Variants in TNPO3 observed in about 807,000 individuals in gnomAD.
TNPO3 encodes the protein transportin-3.
Under a neutral mutation model 122.8 loss-of-function variants are expected in TNPO3, and 65 were observed. That is an observed-to-expected ratio of 0.53 (90% CI 0.43 to 0.65). The LOEUF (loss-of-function observed/expected upper bound fraction) is 0.65, where lower values mean the gene tolerates loss of function less well. TNPO3 is among the 30% of genes least tolerant of loss of function. The pLI, the probability that TNPO3 is intolerant of heterozygous loss-of-function variation, is 0.00. For synonymous variants in TNPO3, 372 were observed against 411.2 expected (o/e 0.90, Z 1.15); for missense variants, 850 against 1,136.7 (o/e 0.75, Z 3.63).
chr7:129,054,467 G>C lies in TNPO3; in HGVS notation c.120+184C>G, dbSNP rs10266077. 0.012 allele frequency among the ~76,000 whole-genome samples: 1,805 copies of C among 152,280 alleles called. 38 individuals carry two copies. Among genetic ancestry groups the C allele is most frequent in the African/African-American group, 0.042 (1,729 of 41,538 alleles). On this transcript the variant is annotated intron_variant, in intron 1 of 22. Coordinates refer to ENST00000265388, the MANE Select transcript of TNPO3 (RefSeq NM_012470.4). ...GTGGGGAAAGGGCCAGTTCGCGACCGATCAGGTGCGACTAGTTTCCCAAAA... is the reference window on the plus strand; with the variant it reads ...GTGGGGAAAGGGCCAGTTCGCGACCCATCAGGTGCGACTAGTTTCCCAAAA...
Position 128,990,116 on chromosome 7 carries a change from A to G in TNPO3, c.1359-16T>C. Reference sequence around the variant, plus strand: ...ATTGTTTTCCCTGAGTACAGGCGGTAAGTACTCACAGTTACTGATTTCAGA... The same window carrying G: ...ATTGTTTTCCCTGAGTACAGGCGGTGAGTACTCACAGTTACTGATTTCAGA... On this transcript the variant is annotated splice_polypyrimidine_tract_variant and intron_variant, in intron 10 of 22. Coordinates refer to ENST00000265388, the MANE Select transcript of TNPO3 (RefSeq NM_012470.4). 6.2e-7 allele frequency: 1 copy of G among 1,614,112 alleles called. No individual in the cohort carries two copies. The highest frequency in any genetic ancestry group is 2.2e-5 in the East Asian group (1 of 44,890).
chr7:129,050,004 G>A (rs1808511350), intron 1 of TNPO3, among the ~76,000 whole-genome samples: 1 of 152,180 alleles, frequency 6.6e-6, no homozygotes. Context: ...AGAGAGGATT[G>A]CCTGAGACCA....
At chr7:129,016,382 G>A (rs566427710) in intron 3 of TNPO3, among the ~76,000 whole-genome samples, 1 of 152,130 alleles carries the variant, frequency 6.6e-6, no homozygotes, top group African/African-American at 2.4e-5. Context: ...CAACAAGAGC[G>A]AGACTCCATC....
intron 16 of TNPO3, among the ~76,000 whole-genome samples, chr7:128,977,033 A>C (rs1483029296): frequency 6.6e-6 from 1 of 152,222 alleles, no homozygotes; most frequent in African/African-American, 2.4e-5. Context: ...AATAGATAAT[A>C]CGTAAATGAA....
chr7:128,999,612 AC>A (rs1801704057), intron 7 of TNPO3, among the ~76,000 whole-genome samples: 1 of 117,700 alleles, frequency 8.5e-6, no homozygotes, highest in African/African-American at 3.4e-5. Flanking sequence ...CTTCTTTCTC[AC>A]TTTTTTTTTT....
At position 128,972,602 on chromosome 7, in the gene TNPO3, TA is replaced by T; in HGVS notation, c.2274-21del. On this transcript the variant is annotated intron_variant, in intron 18 of 22. Coordinates refer to ENST00000265388, the MANE Select transcript of TNPO3 (RefSeq NM_012470.4). ...ATAAACCTGGTGTGGAAAGTGAGACTAGGTATAAATGACAAGATTAGGCTAT... is the reference window on the plus strand; with the variant it reads ...ATAAACCTGGTGTGGAAAGTGAGACTGGTATAAATGACAAGATTAGGCTAT... 6.2e-7 allele frequency: 1 copy of T among 1,609,596 alleles called. No individual in the cohort carries two copies. The highest frequency in any genetic ancestry group is 8.5e-7 in the Non-Finnish European group (1 of 1,177,448).
intron 1 of TNPO3, among the ~76,000 whole-genome samples, chr7:129,024,854 T>C (rs1804920494): frequency 6.6e-6 from 1 of 151,740 alleles, no homozygotes; most frequent in Admixed American, 6.6e-5. Context: ...TTTTGAAAAA[T>C]CTGCCACGTG....
intron 22 of TNPO3, among the ~76,000 whole-genome samples, chr7:128,956,088 C>T (rs1796872519): frequency 6.6e-6 from 1 of 152,208 alleles, no homozygotes; most frequent in Non-Finnish European, 1.5e-5. Context: ...CTACAGCTGT[C>T]CATGAGCAAC....
At chr7:128,982,375 C>T (rs1232920266) in intron 13 of TNPO3, 51 bp from the exon 14 acceptor site, 4 of 1,485,740 alleles carry the variant, frequency 2.7e-6, no homozygotes, top group South Asian at 2.3e-5. Context: ...TACAAATCTA[C>T]AGCCAACACT....
chr7:128,969,965 C>T (rs1798295186), intron 20 of TNPO3, among the ~76,000 whole-genome samples, 183 bp downstream of exon 20: 1 of 152,274 alleles, frequency 6.6e-6, no homozygotes, highest in South Asian at 2.1e-4. Flanking sequence ...CTTTAAAGAA[C>T]TCAATAATAA....
intron 3 of TNPO3, among the ~76,000 whole-genome samples, chr7:129,016,419 G>C (rs1197905696): frequency 6.6e-6 from 1 of 152,066 alleles, no homozygotes; most frequent in Admixed American, 6.6e-5. Flanking sequence ...TAAATAATAA[G>C]TTATCCGTAA....
At chr7:128,975,073 C>T in intron 17 of TNPO3, 111 bp from the exon 18 acceptor site, 1 of 788,656 alleles carries the variant, frequency 1.3e-6, no homozygotes, top group Admixed American at 2.5e-5. Context: ...AAGAAAAGCA[C>T]AGCTGGGAAA....
chr7:129,027,988 T>C (rs1805461236), intron 1 of TNPO3, among the ~76,000 whole-genome samples: 1 of 152,190 alleles, frequency 6.6e-6, no homozygotes, highest in Non-Finnish European at 1.5e-5. Context: ...TAAAACATCT[T>C]TTCTGATCAC....
intron 1 of TNPO3, among the ~76,000 whole-genome samples, chr7:129,021,257 A>G (rs999905162): frequency 6.6e-6 from 1 of 151,962 alleles, no homozygotes; most frequent in Non-Finnish European, 1.5e-5. Flanking sequence ...CGGGAGGCTG[A>G]GACGGCAGAA....
chr7:128,999,439 C>T (rs1168283907), intron 7 of TNPO3, among the ~76,000 whole-genome samples: 1 of 152,132 alleles, frequency 6.6e-6, no homozygotes, highest in Non-Finnish European at 1.5e-5. Context: ...ATCCTCGTAA[C>T]ATTATGTAAA....
In TNPO3 at chr7:128,972,516, G is replaced by T; in HGVS notation, c.2340C>A (p.Ala780=). ...SQVVIPILQW[A]IASTTLDHRD... is the part of the protein sequence containing the mutation. ...GGTGGTCCAGGGTAGTAGAGGCAAT[G>T]GCCCACTGTAAGATAGGGATGACCA... Residue 780 remains alanine, a synonymous_variant, in exon 19 of 23, where the codon GCC becomes GCA. Coordinates refer to ENST00000265388, the MANE Select transcript of TNPO3 (RefSeq NM_012470.4). The T allele has an allele frequency of 6.2e-7, 1 of 1,614,138 alleles. No homozygotes were observed. Among genetic ancestry groups the T allele is most frequent in the South Asian group, 1.1e-5 (1 of 91,080 alleles).
chr7:129,037,648 T>C (rs973276212), intron 1 of TNPO3, among the ~76,000 whole-genome samples: 1 of 152,202 alleles, frequency 6.6e-6, no homozygotes, highest in East Asian at 1.9e-4. Context: ...AGAGCCTCTG[T>C]TGCGAAAAAG....
Position 129,054,980 on chromosome 7 carries a change from CT to C in TNPO3, c.-211del. Reference sequence around the variant, plus strand: ...ATTAGGTCGTATTCAGGTTCCTGGCCTTTTTTCCGGTTTTTCCACTTGATTC... The same window carrying C: ...ATTAGGTCGTATTCAGGTTCCTGGCCTTTTTCCGGTTTTTCCACTTGATTC... On this transcript the variant is annotated 5_prime_UTR_variant, in exon 1 of 23. Coordinates refer to ENST00000265388, the MANE Select transcript of TNPO3 (RefSeq NM_012470.4). The C allele has an allele frequency of 1.3e-5, 8 of 598,262 alleles. No homozygotes were observed. The highest frequency in any genetic ancestry group is 2.3e-5 in the Non-Finnish European group (8 of 347,366). The allele number at this position is 598,262 out of a possible 1,614,324, so 37.1% of individuals were successfully genotyped here. A position where few individuals can be genotyped will look rare whatever the true frequency, so the allele number is the denominator to read the frequency against.
At position 128,954,235 on chromosome 7, in the gene TNPO3, T is replaced by C. The variant is rs1419854563; in HGVS notation, c.*1182A>G. On this transcript the variant is annotated 3_prime_UTR_variant, in exon 23 of 23. Transcript: ENST00000265388. The stretch of plus-strand genomic sequence containing the variant: ...TCTTTTGTTGCTGTTGATTTGTTCT[T>C]GAGATGGCTACAACACCAGACAGAA... The C allele has an allele frequency of 6.6e-6, 1 of 152,266 alleles. No homozygotes were observed. The highest frequency in any genetic ancestry group is 1.5e-5 in the Non-Finnish European group (1 of 68,048). 9.4% of individuals were successfully genotyped at this position (152,266 alleles called of 1,614,324 possible). A position where few individuals can be genotyped will look rare whatever the true frequency, so the allele number is the denominator to read the frequency against.
Sources: allele counts gnomAD v4.1 joint callset (sites outside exome capture counted in the v4.1 genomes callset), GRCh38; gene constraint gnomAD v4.1.1; transcripts MANE v1.5; gene names NCBI Gene and HGNC (gene_info 2026-07-23, HGNC 2026-07-21).